The following ABCB1 variants were observed in gnomAD, a reference collection of about 807,000 sequenced individuals.
ABCB1 encodes ATP binding cassette subfamily B member 1.
Under a neutral mutation model 142.0 loss-of-function variants are expected in ABCB1, and 69 were observed. That is an observed-to-expected ratio of 0.49 (90% CI 0.40 to 0.59). The LOEUF (loss-of-function observed/expected upper bound fraction) is 0.59, where lower values mean the gene tolerates loss of function less well. Among genes scored for constraint, ABCB1 ranks in the 20% least tolerant of loss-of-function variants. ABCB1 has a pLI of 0.00. For missense variants in ABCB1, 1,326 were observed against 1,554.7 expected (o/e 0.85, Z 2.47); for synonymous variants, 532 against 539.2 (o/e 0.99, Z 0.18).
intron 5 of ABCB1, 41 bp downstream of exon 5, chr7:87,570,131 T>A: frequency 6.4e-7 from 1 of 1,561,314 alleles, no homozygotes; most frequent in Non-Finnish European, 8.8e-7. Context: ...ACTTGATGAA[T>A]ATAGAAAAAC....
chr7:87,511,082 A>C (rs755675019), intron 25 of ABCB1, among the ~76,000 whole-genome samples: 12 of 152,192 alleles, frequency 7.9e-5, no homozygotes, highest in Non-Finnish European at 1.6e-4. Context: ...AGTTATAATG[A>C]GTTTCTTCAT....
At chr7:87,685,530 A>G (rs1055602070) in intron 1 of ABCB1, among the ~76,000 whole-genome samples, 2 of 152,192 alleles carry the variant, frequency 1.3e-5, no homozygotes, top group African/African-American at 2.4e-5. Flanking sequence ...TCCACACACA[A>G]CAACATGTAT....
At chr7:87,713,099 A>G (rs1030985419) in intron 1 of ABCB1, 40 of 152,180 alleles carry the variant, frequency 2.6e-4, no homozygotes, top group African/African-American at 9.7e-4. Flanking sequence ...AGTCAAGACA[A>G]ATATATTCAT....
At chr7:87,579,456 A>G (rs1818416616) in intron 4 of ABCB1, among the ~76,000 whole-genome samples, 1 of 152,200 alleles carries the variant, frequency 6.6e-6, no homozygotes, top group Non-Finnish European at 1.5e-5. Flanking sequence ...TTCATCATCA[A>G]CTGAAATTAT....
intron 1 of ABCB1, among the ~76,000 whole-genome samples, chr7:87,695,973 T>C (rs1828459656): frequency 1.3e-5 from 2 of 152,108 alleles, no homozygotes; most frequent in South Asian, 4.1e-4. Context: ...GATAATCACA[T>C]AGCTGGTCAG....
intron 17 of ABCB1, 89 bp downstream of exon 17, chr7:87,544,040 T>C: frequency 6.6e-7 from 1 of 1,514,248 alleles, no homozygotes; most frequent in African/African-American, 1.4e-5. Flanking sequence ...TTTGTTGTTT[T>C]TGTATCCCAG....
At chr7:87,559,956 G>A (rs1211176621) in intron 8 of ABCB1, among the ~76,000 whole-genome samples, 2 of 152,150 alleles carry the variant, frequency 1.3e-5, no homozygotes, top group African/African-American at 4.8e-5. Context: ...ACTTCATTAT[G>A]TCTCTGCTCA....
At chr7:87,555,805 A>G (rs1166628283) in intron 8 of ABCB1, among the ~76,000 whole-genome samples, 1 of 152,200 alleles carries the variant, frequency 6.6e-6, no homozygotes, top group African/African-American at 2.4e-5. Flanking sequence ...ACCACTGGGC[A>G]TAACTTACAT....
intron 4 of ABCB1, among the ~76,000 whole-genome samples, chr7:87,580,167 A>G (rs1818450850): frequency 6.6e-6 from 1 of 152,068 alleles, no homozygotes; most frequent in Admixed American, 6.5e-5. Context: ...ATGATTTCTT[A>G]TTGTTCATTA....
At chr7:87,528,439 A>G (rs527616282) in intron 21 of ABCB1, among the ~76,000 whole-genome samples, 17 of 152,314 alleles carry the variant, frequency 1.1e-4, no homozygotes, top group African/African-American at 4.1e-4. Flanking sequence ...TTTCTAGGCT[A>G]CATGGCTTGT....
chr7:87,643,537 C>G (rs556649895), intron 1 of ABCB1, among the ~76,000 whole-genome samples: 6 of 151,964 alleles, frequency 3.9e-5, no homozygotes, highest in African/African-American at 1.2e-4. Context: ...TGTGTGGGTG[C>G]GGGGCAGGGA....
At position 87,534,917 on chromosome 7, in the gene ABCB1, T is replaced by TAAAA. The variant is rs139364527; in HGVS notation, c.2481+1537_2481+1540dup. Among the ~76,000 whole-genome samples, 457 of 91,760 alleles carry TAAAA rather than the reference T, an allele frequency of 5.0e-3. 2 individuals are homozygous for TAAAA. Among genetic ancestry groups the TAAAA allele is most frequent in the African/African-American group, 0.019 (411 of 21,154 alleles). The allele number at this position is 91,760 out of a possible 152,430, so 60.2% of individuals were successfully genotyped here. A position where few individuals can be genotyped will look rare whatever the true frequency, so the allele number is the denominator to read the frequency against. On this transcript the variant is annotated intron_variant, in intron 20 of 27. Transcript: ENST00000622132. ...GCTACAAAGAGAGACCCTGTCTCTT[T>TAAAA]AAAAAAAAAAAAAAAAAAAAAAACT...
chr7:87,588,474 G>A (rs545032934), intron 3 of ABCB1, among the ~76,000 whole-genome samples: 129 of 152,210 alleles, frequency 8.5e-4, no homozygotes, highest in African/African-American at 3.1e-3. Context: ...AAGGATAATG[G>A]CCTCCAGCTC....
At chr7:87,566,647 T>C in intron 6 of ABCB1, 138 bp downstream of exon 6, 1 of 870,822 alleles carries the variant, frequency 1.1e-6, no homozygotes, top group Non-Finnish European at 1.9e-6. Flanking sequence ...CACGACATTG[T>C]TGCTGCTTAG....
chr7:87,673,508 A>G (rs1431122408), intron 1 of ABCB1, among the ~76,000 whole-genome samples: 3 of 152,218 alleles, frequency 2.0e-5, no homozygotes, highest in Non-Finnish European at 4.4e-5. Flanking sequence ...CGAATCTGCT[A>G]TTAATACTTG....
chr7:87,671,810 A>T (rs1392425004), intron 1 of ABCB1, among the ~76,000 whole-genome samples: 1 of 152,122 alleles, frequency 6.6e-6, no homozygotes, highest in Non-Finnish European at 1.5e-5. Flanking sequence ...CTGAAACCTG[A>T]AGGCTGGAAA....
intron 1 of ABCB1, among the ~76,000 whole-genome samples, chr7:87,629,809 C>G (rs1262108125): frequency 6.6e-6 from 1 of 151,624 alleles, no homozygotes; most frequent in African/African-American, 2.4e-5. Flanking sequence ...TCCTGTAATC[C>G]CAGCTACTCG....
chr7:87,508,179 GAGC>G (rs1814835786), intron 26 of ABCB1, among the ~76,000 whole-genome samples: 2 of 152,238 alleles, frequency 1.3e-5, no homozygotes, highest in South Asian at 4.1e-4. Context: ...AATACAGGTT[GAGC>G]ATCCATAATC....
chr7:87,545,097 G>T, intron 15 of ABCB1, 98 bp from the exon 16 acceptor site: 3 of 1,075,244 alleles, frequency 2.8e-6, no homozygotes, highest in Non-Finnish European at 4.2e-6. Flanking sequence ...ACAGCAATTT[G>T]TTTAGTAACT....
Sources: allele counts gnomAD v4.1 joint callset (sites outside exome capture counted in the v4.1 genomes callset), GRCh38; gene constraint gnomAD v4.1.1; transcripts MANE v1.5; gene names NCBI Gene and HGNC (gene_info 2026-07-23, HGNC 2026-07-21).